Variants in MUC6 observed in about 807,000 individuals in gnomAD.
MUC6 encodes the protein mucin-6.
Under a neutral mutation model 201.5 loss-of-function variants are expected in MUC6, and 188 were observed. That is an observed-to-expected ratio of 0.93 (90% CI 0.83 to 1.05). The LOEUF (loss-of-function observed/expected upper bound fraction) is 1.05. Ranked by LOEUF, MUC6 falls within the 50% of genes least tolerant of loss-of-function variation. The pLI is 0.00. For synonymous variants in MUC6, 1,228 were observed against 1,389.4 expected, an observed-to-expected ratio of 0.88 and a Z score of 2.58; for missense variants, 2,706 against 3,256.9, an observed-to-expected ratio of 0.83 and a Z score of 4.12.
intron 8 of MUC6, 151 bp downstream of exon 8, chr11:1,030,062 G>A: frequency 9.3e-7 from 1 of 1,080,024 alleles, no homozygotes; most frequent in Non-Finnish European, 1.3e-6. Flanking sequence ...GGCGGGAAAA[G>A]CCTGTCCCAG....
Position 1,027,608 on chromosome 11 carries a change from C to T in MUC6, c.1981+77G>A, listed in dbSNP as rs902846355. ...CTGCCTGCCGGGCACTGCAGAGCCT[C>T]AGAGCTTGGGGTCCCAGGACACCCC... is the stretch of plus-strand genomic sequence containing the variant. On this transcript the variant is annotated intron_variant, in intron 16 of 32. Transcript: ENST00000421673. The T allele has an allele frequency of 1.3e-5, 21 of 1,586,172 alleles. No individual in the cohort carries two copies. In the African/African-American group the frequency reaches 2.2e-4, roughly 16 times the overall value.
chr11:1,032,253 C>G (rs1857123174), intron 2 of MUC6, among the ~76,000 whole-genome samples, 200 bp from the exon 3 acceptor site: 1 of 152,188 alleles, frequency 6.6e-6, no homozygotes, highest in Non-Finnish European at 1.5e-5. Flanking sequence ...TGGGCATGTG[C>G]ACACACGTGT....
In MUC6 at chr11:1,033,465, C is replaced by T. The variant is rs1012019671; in HGVS notation, c.53-390G>A. 6.7e-6 allele frequency among the ~76,000 whole-genome samples: 1 copy of T among 148,518 alleles called. No individual in the cohort carries two copies. The highest frequency in any genetic ancestry group is 2.4e-5 in the African/African-American group (1 of 40,984). On this transcript the variant is annotated intron_variant, in intron 1 of 32. Transcript: ENST00000421673. This position sits in a 1 kb window ranked among gnomAD's most constrained non-coding sequence, Gnocchi z 5.6. ...CGGAGCCAACAAAGTGGGCTGTGCC[C>T]GCCTCCCCAGCTTGGCCGCCTGGTT... is the stretch of plus-strand genomic sequence containing the variant.
Position 1,026,414 on chromosome 11 carries a change from T to A in MUC6, c.2459A>T (p.Gln820Leu). The change falls in exon 20 of 33, where the codon CAG becomes CTG. Residue 820 changes from glutamine (Q) to leucine (L), a missense_variant. This residue lies in a region of MUC6 where 1,850 missense variants were observed against 1,958.3 expected (regional missense o/e 0.94). Transcript: ENST00000421673. ...AEGLYENADG[Q>L]CVPPEECPCE... ...TGGGCACTCCTCGGGGGGCACACAC[T>A]GCCCGTCGGCATTCTCGTAGAGGCC... 1 of 1,608,768 alleles carries A rather than the reference T, an allele frequency of 6.2e-7. No homozygotes were observed. The highest frequency in any genetic ancestry group is 8.5e-7 in the Non-Finnish European group (1 of 1,178,336).
rs572664896 is a variant in MUC6, at chr11:1,019,371, T to C, written c.3934A>G (p.Thr1312Ala). Residue 1312 changes from threonine (T) to alanine (A), a missense_variant, in exon 30 of 33, where the codon ACC (threonine) becomes GCC (alanine). Physicochemically the swap from Thr to Ala is moderately conservative, Grantham distance 58. Around this residue, in one of 10 missense-constraint regions of MUC6, gnomAD observed 1,850 missense variants for 1,958.3 expected, o/e 0.94. Transcript: ENST00000421673. ...GTGGACGTCGTGGCTGGGCTGGCGGTCGACGCCGTGGCCCTGGTTGTGGCC... is the reference window on the plus strand; with the variant it reads ...GTGGACGTCGTGGCTGGGCTGGCGGCCGACGCCGTGGCCCTGGTTGTGGCC... ...TQATTRATASTASPATTSTAQ... is the reference protein window; with the variant it reads ...TQATTRATASAASPATTSTAQ... 2.5e-6 allele frequency: 4 copies of C among 1,613,476 alleles called. No homozygotes were observed. Among genetic ancestry groups the C allele is most frequent in the Non-Finnish European group, 8.5e-7 (1 of 1,179,702 alleles).
chr11:1,033,227 CA>C lies in MUC6; in HGVS notation c.53-153del, dbSNP rs757657101. ...CCCGTGGGGCTCGAGGCCTCAACAG[CA>C]AGCCAAGCGCTTGGCCTCCCATGCT... is the stretch of plus-strand genomic sequence containing the variant. On this transcript the variant is annotated intron_variant, in intron 1 of 32. Coordinates refer to ENST00000421673, the MANE Select transcript of MUC6 (RefSeq NM_005961.3). This position sits in a 1 kb window ranked among gnomAD's most constrained non-coding sequence, Gnocchi z 5.6. 19 of 695,516 alleles carry C rather than the reference CA, an allele frequency of 2.7e-5. No homozygotes were observed. The highest frequency in any genetic ancestry group is 2.8e-5 in the Non-Finnish European group (11 of 396,854). The allele number at this position is 695,516 out of a possible 1,614,324, so 43.1% of individuals were successfully genotyped here.
Position 1,021,287 on chromosome 11 carries a change from A to G in MUC6, c.3527-10T>C. ...GAGCAGTTGTAGCAGCCTAGGGTGGAGAACGGCCAGGGTCTGTGTGACTGG... is the reference window on the plus strand; with the variant it reads ...GAGCAGTTGTAGCAGCCTAGGGTGGGGAACGGCCAGGGTCTGTGTGACTGG... On this transcript the variant is annotated splice_polypyrimidine_tract_variant and intron_variant, in intron 26 of 32. Coordinates refer to ENST00000421673, the MANE Select transcript of MUC6 (RefSeq NM_005961.3). 1 of 1,548,260 alleles carries G rather than the reference A, an allele frequency of 6.5e-7. No homozygotes were observed.
At chr11:1,021,350 C>T (rs560005427) in intron 26 of MUC6, 73 bp from the exon 27 acceptor site, 10 of 743,086 alleles carry the variant, frequency 1.3e-5, no homozygotes, top group Middle Eastern at 2.9e-4. Flanking sequence ...CCTGCCCTGG[C>T]GGCCTCCTTC....
At chr11:1,024,314 C>CT (rs1391515820) in intron 24 of MUC6, among the ~76,000 whole-genome samples, 3 of 152,216 alleles carry the variant, frequency 2.0e-5, no homozygotes, top group Non-Finnish European at 4.4e-5. Context: ...GAGCTCACGC[C>CT]TTGAGACCCG....
At chr11:1,020,623 A>G in intron 28 of MUC6, 61 bp downstream of exon 28, 1 of 1,605,346 alleles carries the variant, frequency 6.2e-7, no homozygotes. Flanking sequence ...TTGTCCAGGG[A>G]ACCGAGGGGA....
rs765715365 is a variant in MUC6, at chr11:1,029,096, C to T, written c.1330G>A (p.Val444Ile). ...ALMAVYDKSG[V>I]SHSETSLVAV... is the part of the protein sequence containing the mutation. Reference sequence around the variant, plus strand: ...ACCAGGGAGGTCTCGGAGTGTGAGACGCCGGACTTGTCGTACACAGCCATG... The same window carrying T: ...ACCAGGGAGGTCTCGGAGTGTGAGATGCCGGACTTGTCGTACACAGCCATG... The change falls in exon 11 of 33, where the codon GTC becomes ATC. Residue 444 changes from valine to isoleucine, a missense_variant. Physicochemically the swap from Val to Ile is conservative, Grantham distance 29. Transcript: ENST00000421673. 138 of 1,612,606 alleles carry T rather than the reference C, an allele frequency of 8.6e-5. 1 individual carries two copies. The East Asian group carries it at 2.8e-3, about 33-fold the overall frequency.
chr11:1,026,828 C>T, intron 19 of MUC6, 113 bp downstream of exon 19: 2 of 1,159,600 alleles, frequency 1.7e-6, no homozygotes, highest in Non-Finnish European at 2.4e-6. Flanking sequence ...TGGCCAGCCC[C>T]AGGCACCCGC....
At chr11:1,029,001 G>A (rs754247708) in intron 11 of MUC6, 40 bp from the exon 12 acceptor site, 9 of 1,612,772 alleles carry the variant, frequency 5.6e-6, no homozygotes, top group African/African-American at 4.0e-5. Flanking sequence ...CAGGCACCAG[G>A]GAGCGGAGCC....
At position 1,019,474 on chromosome 11, in the gene MUC6, G is replaced by A. The variant is rs759146914; in HGVS notation, c.3831C>T (p.Ala1277=). 1.3e-5 allele frequency: 21 copies of A among 1,613,778 alleles called. No homozygotes were observed. The highest frequency in any genetic ancestry group is 4.5e-5 in the East Asian group (2 of 44,884). The change falls in exon 30 of 33, where the codon GCC becomes GCT. Residue 1277 remains alanine (A), a synonymous_variant. Coordinates refer to ENST00000421673, the MANE Select transcript of MUC6 (RefSeq NM_005961.3). The stretch of plus-strand genomic sequence containing the variant: ...GCCCTGATGTGGCTTGTGGGGTGAC[G>A]GCCGTGGTTGGTCTAGGTGGTTCTG... ...SSGEPPRPTT[A]VTPQATSGLP...
chr11:1,016,298 G>A lies in MUC6; in HGVS notation c.6503C>T (p.Ala2168Val), dbSNP rs766139807. Residue 2168 changes from alanine (A) to valine (V), a missense_variant, in exon 31 of 33, where the codon GCC (alanine) becomes GTC (valine). This residue lies in a region of MUC6 where 586 missense variants were observed against 488.0 expected (regional missense o/e 1.20). Coordinates refer to ENST00000421673, the MANE Select transcript of MUC6 (RefSeq NM_005961.3). ...SVGTSSSFVS[A>V]PVHSTTLSSG... ...GCTCAGGGTTGTGGAGTGCACGGGG[G>A]CGGACACGAAAGAGGAAGATGTGCC... The A allele has an allele frequency of 6.2e-7, 1 of 1,612,262 alleles. No homozygotes were observed. The highest frequency in any genetic ancestry group is 1.1e-5 in the South Asian group (1 of 90,796).
At chr11:1,015,488 G>A (rs1323369170) in intron 31 of MUC6, among the ~76,000 whole-genome samples, 1 of 152,194 alleles carries the variant, frequency 6.6e-6, no homozygotes, top group East Asian at 1.9e-4. Flanking sequence ...AGCAGTGACC[G>A]GGCATGAGTG....
chr11:1,018,878 T>A, intron 30 of MUC6, 108 bp from the exon 31 acceptor site: 1 of 1,397,208 alleles, frequency 7.2e-7, no homozygotes, highest in East Asian at 2.3e-5. Context: ...TGTCTGTGCC[T>A]CTGTTCCTGT....
At chr11:1,021,186 G>A (rs1856797345) in intron 27 of MUC6, 29 bp downstream of exon 27, 2 of 1,544,676 alleles carry the variant, frequency 1.3e-6, no homozygotes, top group African/African-American at 1.4e-5. Flanking sequence ...GGCAGGGGCA[G>A]GGTTCTCAGG....
At position 1,026,009 on chromosome 11, in the gene MUC6, G is replaced by A. The variant is rs763841264; in HGVS notation, c.2679C>T (p.Ile893=). 1.9e-6 allele frequency: 3 copies of A among 1,587,736 alleles called. No individual in the cohort carries two copies. The highest frequency in any genetic ancestry group is 2.6e-6 in the Non-Finnish European group (3 of 1,167,640). ...GGCACCCGATGGTTACCGTGGCCAG[G>A]ATGTACTCGCAGTTGCCGTCGAATA... ...RFVFDGNCEY[I]LATDVCGVND... is the part of the protein sequence containing the mutation. Residue 893 remains isoleucine (I), a synonymous_variant, in exon 21 of 33, where the codon ATC becomes ATT. Coordinates refer to ENST00000421673, the MANE Select transcript of MUC6 (RefSeq NM_005961.3).
Sources: gnomAD v4.1 joint callset for allele counts (sites outside exome capture counted in the v4.1 genomes callset) on GRCh38, gnomAD v4.1.1 for gene constraint, gnomAD v4.1.1 regional missense constraint, Gnocchi (gnomAD v3.1) non-coding constraint, MANE v1.5 for transcripts, NCBI Gene and HGNC (gene_info 2026-07-23, HGNC 2026-07-21) for gene names.